PLCH1: variants seen among roughly 807,000 people sequenced by gnomAD.
The protein encoded by PLCH1 is 1-phosphatidylinositol 4,5-bisphosphate phosphodiesterase eta-1.
Under a neutral mutation model 126.7 loss-of-function variants are expected in PLCH1, and 60 were observed. The ratio of observed to expected loss-of-function variants is 0.47; its 90% CI spans 0.38 to 0.59. The LOEUF is 0.59. PLCH1 is among the 20% of genes least tolerant of loss of function. The pLI is 0.00. For missense variants in PLCH1, 1,723 were observed against 2,040.0 expected (o/e 0.84, Z 2.99); for synonymous variants, 719 against 734.9 (o/e 0.98, Z 0.35).
At chr3:155,738,228 A>G (rs1749342159) in intron 1 of PLCH1, among the ~76,000 whole-genome samples, 1 of 152,238 alleles carries the variant, frequency 6.6e-6, no homozygotes, top group Non-Finnish European at 1.5e-5. Context: ...ATTCCAAGAC[A>G]GAGTCCAGCA....
chr3:155,673,572 T>G (rs896311992), intron 2 of PLCH1, among the ~76,000 whole-genome samples: 3 of 152,156 alleles, frequency 2.0e-5, no homozygotes, highest in South Asian at 2.1e-4. Context: ...AAAATCTGTA[T>G]GACTGAGAAG....
At chr3:155,684,389 C>T (rs1744778424) in intron 2 of PLCH1, among the ~76,000 whole-genome samples, 1 of 152,270 alleles carries the variant, frequency 6.6e-6, no homozygotes, top group Non-Finnish European at 1.5e-5. Flanking sequence ...GTTCAAACTT[C>T]GAGGCTGCCT....
intron 2 of PLCH1, among the ~76,000 whole-genome samples, chr3:155,601,993 T>C (rs896907380): frequency 1.3e-5 from 2 of 152,028 alleles, no homozygotes; most frequent in East Asian, 1.9e-4. Context: ...TGTTTTTGAG[T>C]TTTCTATGAT....
intron 2 of PLCH1, among the ~76,000 whole-genome samples, chr3:155,684,282 T>C (rs539582702): frequency 7.9e-5 from 12 of 151,812 alleles, no homozygotes; most frequent in Non-Finnish European, 1.3e-4. Context: ...GGGAAGCGGG[T>C]AGAGAGGAGA....
rs144435551 is a variant in PLCH1 at position 155,568,920 on chromosome 3, G to A, written c.772-596C>T. On this transcript the variant is annotated intron_variant, in intron 6 of 22. Coordinates refer to ENST00000460012, the MANE Select transcript of PLCH1 (RefSeq NM_014996.4). ...ACAACTCTGGAGCTAGACTGCTTGC[G>A]TTCAAATCACCTAGTTTATATTATT... Among the ~76,000 whole-genome samples, 184 of 152,204 alleles carry A rather than the reference G, an allele frequency of 1.2e-3. 1 individual carries two copies. The highest frequency in any genetic ancestry group is 4.3e-3 in the African/African-American group (179 of 41,532).
intron 8 of PLCH1, among the ~76,000 whole-genome samples, chr3:155,561,791 A>C (rs1303004937): frequency 6.6e-6 from 1 of 151,704 alleles, no homozygotes; most frequent in Non-Finnish European, 1.5e-5. Context: ...CCTCTCCAGT[A>C]CTTTTTTTTT....
rs1408799626 is a variant in PLCH1, at chr3:155,490,881, G to GA, written c.2308-14dup. ...AAGGGTCAATGATCTATTAAGTAAA[G>GA]AGAAAGTACTATTACAAATAACATA... is the stretch of plus-strand genomic sequence containing the variant. On this transcript the variant is annotated splice_polypyrimidine_tract_variant and intron_variant, in intron 18 of 22. Coordinates refer to ENST00000460012, the MANE Select transcript of PLCH1 (RefSeq NM_014996.4). 5 of 1,333,496 alleles carry GA rather than the reference G, an allele frequency of 3.7e-6. No homozygotes were observed. The African/African-American group carries it at 5.7e-5, about 15-fold the overall frequency. The allele number at this position is 1,333,496 out of a possible 1,614,324, so 82.6% of individuals were successfully genotyped here. A position where few individuals can be genotyped will look rare whatever the true frequency, so the allele number is the denominator to read the frequency against.
intron 2 of PLCH1, among the ~76,000 whole-genome samples, chr3:155,659,548 G>A (rs1275344201): frequency 6.6e-6 from 1 of 151,702 alleles, no homozygotes; most frequent in African/African-American, 2.4e-5. Context: ...TGCCCAGGCT[G>A]GAGTGCAGTA....
At chr3:155,455,269 C>G (rs768416026) in intron 21 of PLCH1, among the ~76,000 whole-genome samples, 32 of 152,108 alleles carry the variant, frequency 2.1e-4, no homozygotes, top group Non-Finnish European at 3.5e-4. Flanking sequence ...TGCAGCTCCC[C>G]CAGAGGCAAG....
intron 19 of PLCH1, 115 bp from the exon 20 acceptor site, chr3:155,488,921 A>T (rs1648838404): frequency 1.1e-6 from 1 of 870,840 alleles, no homozygotes; most frequent in Admixed American, 2.9e-5. Context: ...TATTAAACTC[A>T]TGAAGACAAC....
intron 1 of PLCH1, among the ~76,000 whole-genome samples, chr3:155,719,806 T>A (rs1298979059): frequency 1.3e-5 from 2 of 152,086 alleles, no homozygotes; most frequent in Non-Finnish European, 2.9e-5. Flanking sequence ...CATTGTCTTC[T>A]TTTATTTTTT....
chr3:155,671,447 T>TAATGTA, intron 2 of PLCH1, among the ~76,000 whole-genome samples: 2 of 152,336 alleles, frequency 1.3e-5, no homozygotes, highest in East Asian at 3.9e-4. Flanking sequence ...ATAGTCACAA[T>TAATGTA]AATGTAAATG....
chr3:155,649,123 G>A (rs1328558987), intron 2 of PLCH1, among the ~76,000 whole-genome samples: 4 of 152,138 alleles, frequency 2.6e-5, no homozygotes, highest in Non-Finnish European at 5.9e-5. Flanking sequence ...GGCTCAGAGG[G>A]CAATTCGAGA....
intron 7 of PLCH1, 120 bp downstream of exon 7, chr3:155,568,111 A>G: frequency 1.8e-6 from 1 of 568,940 alleles, no homozygotes; most frequent in Non-Finnish European, 3.1e-6. Flanking sequence ...TTTTGTTTGA[A>G]TTATTTATTA....
intron 2 of PLCH1, among the ~76,000 whole-genome samples, chr3:155,604,807 C>T (rs1734155988): frequency 6.6e-6 from 1 of 152,160 alleles, no homozygotes; most frequent in African/African-American, 2.4e-5. Context: ...GAATTTCCTG[C>T]TAGCCGGGCT....
rs780537415 is a variant in PLCH1, at chr3:155,576,594, T to C, written c.771+6878A>G. Reference sequence around the variant, plus strand: ...ATATGTGGCCAGCAGTGATATTTCATTTCACAACTGAGTAAACCTATAAAA... The same window carrying C: ...ATATGTGGCCAGCAGTGATATTTCACTTCACAACTGAGTAAACCTATAAAA... On this transcript the variant is annotated intron_variant, in intron 6 of 22. Transcript: ENST00000460012. 4.9e-4 allele frequency among the ~76,000 whole-genome samples: 74 copies of C among 152,216 alleles called. 1 individual carries two copies. Among genetic ancestry groups the C allele is most frequent in the Admixed American group, 1.4e-3 (22 of 15,276 alleles).
Position 155,706,298 on chromosome 3 carries a change from C to T in PLCH1, c.-40-2034G>A, listed in dbSNP as rs537030941. 2.8e-4 allele frequency among the ~76,000 whole-genome samples: 42 copies of T among 151,426 alleles called. 2 individuals carry two copies. The East Asian group carries it at 7.4e-3, about 27-fold the overall frequency. On this transcript the variant is annotated intron_variant, in intron 1 of 22. Coordinates refer to ENST00000460012, the MANE Select transcript of PLCH1 (RefSeq NM_014996.4). Reference sequence around the variant, plus strand: ...GTCAGGAGTTTGAAATCAGCCTGGCCAATTGGTGAAACCGTGTCTCTACTA... The same window carrying T: ...GTCAGGAGTTTGAAATCAGCCTGGCTAATTGGTGAAACCGTGTCTCTACTA...
chr3:155,462,100 T>C (rs1312257222), intron 21 of PLCH1, among the ~76,000 whole-genome samples: 1 of 152,230 alleles, frequency 6.6e-6, no homozygotes, highest in Non-Finnish European at 1.5e-5. Context: ...AACTGGAAAT[T>C]GCAACTATGT....
intron 12 of PLCH1, among the ~76,000 whole-genome samples, chr3:155,506,517 C>A (rs1380122670): frequency 8.6e-6 from 1 of 115,622 alleles, no homozygotes; most frequent in Non-Finnish European, 1.7e-5. Context: ...CCCACCCCAC[C>A]ACAGTCCCCA....
Sources: allele counts gnomAD v4.1 joint callset (sites outside exome capture counted in the v4.1 genomes callset), GRCh38; gene constraint gnomAD v4.1.1; transcripts MANE v1.5; gene names NCBI Gene and HGNC (gene_info 2026-07-23, HGNC 2026-07-21).